FERMT2: variants seen among roughly 807,000 people sequenced by gnomAD.
FERMT2 encodes the protein fermitin family homolog 2.
In FERMT2, 15 loss-of-function variants were observed where a neutral mutation model predicts 82.7. The ratio of observed to expected loss-of-function variants is 0.18; its 90% CI spans 0.12 to 0.28. The LOEUF (loss-of-function observed/expected upper bound fraction) is 0.28, where lower values mean the gene tolerates loss of function less well. FERMT2 is among the 10% of genes least tolerant of loss of function. The pLI, the probability that FERMT2 is intolerant of heterozygous loss-of-function variation, is 1.00. For synonymous variants in FERMT2, 274 were observed against 271.5 expected (o/e 1.01, Z -0.09); for missense variants, 645 against 809.4 (o/e 0.80, Z 2.46).
chr14:52,941,020 C>T (rs947776281), intron 2 of FERMT2, among the ~76,000 whole-genome samples: 1 of 152,128 alleles, frequency 6.6e-6, no homozygotes, highest in South Asian at 2.1e-4. Context: ...TGCATTCACA[C>T]GGATGTTTAC....
intron 14 of FERMT2, chr14:52,859,045 C>T (rs139934662): frequency 7.6e-5 from 12 of 158,468 alleles, no homozygotes; most frequent in African/African-American, 1.7e-4. Context: ...AAATGATACT[C>T]GTATACTCCA....
chr14:52,889,875 T>A (rs984491787), intron 4 of FERMT2, among the ~76,000 whole-genome samples: 1 of 152,178 alleles, frequency 6.6e-6, no homozygotes, highest in African/African-American at 2.4e-5. Flanking sequence ...ATGCTTGTAA[T>A]CGCAACACTT....
At chr14:52,928,431 T>A (rs1889403339) in intron 2 of FERMT2, 1 of 153,500 alleles carries the variant, frequency 6.5e-6, no homozygotes, top group African/African-American at 2.4e-5. Flanking sequence ...AACACTACAA[T>A]CCCAGTGTTC....
At chr14:52,902,018 A>G (rs903688744) in intron 3 of FERMT2, among the ~76,000 whole-genome samples, 3 of 152,040 alleles carry the variant, frequency 2.0e-5, no homozygotes, top group Non-Finnish European at 4.4e-5. Context: ...TGCAGACTAC[A>G]GAGAACAAAA....
intron 2 of FERMT2, among the ~76,000 whole-genome samples, chr14:52,938,019 G>A (rs1030775235): frequency 6.6e-6 from 1 of 152,144 alleles, no homozygotes; most frequent in Non-Finnish European, 1.5e-5. Flanking sequence ...ACCCTAAGTG[G>A]TAAGATTACT....
intron 2 of FERMT2, among the ~76,000 whole-genome samples, chr14:52,938,514 T>C (rs1255389731): frequency 6.6e-6 from 1 of 152,210 alleles, no homozygotes; most frequent in Non-Finnish European, 1.5e-5. Flanking sequence ...CAAGGTCATA[T>C]GTAACCAATA....
chr14:52,864,896 A>C, intron 10 of FERMT2, 43 bp from the exon 11 acceptor site: 1 of 1,110,354 alleles, frequency 9.0e-7, no homozygotes, highest in Non-Finnish European at 1.4e-6. Context: ...ATTTACTTTT[A>C]AGAAATCTCA....
intron 8 of FERMT2, among the ~76,000 whole-genome samples, chr14:52,874,899 T>C (rs1411046688): frequency 6.6e-6 from 1 of 151,976 alleles, no homozygotes; most frequent in Non-Finnish European, 1.5e-5. Context: ...CTTAAAAAAA[T>C]AAAAAATTAG....
In FERMT2 at chr14:52,904,332, C is replaced by T. The variant is rs201882171; in HGVS notation, c.392-10905G>A. On this transcript the variant is annotated intron_variant, in intron 3 of 14. Transcript: ENST00000341590. ...AGGAGTTGGAGACCAGCCTGGCCAA[C>T]GTGGTGAAACCACGCCTCCACTAAA... Among the ~76,000 whole-genome samples the T allele has an allele frequency of 5.9e-5, 9 of 152,362 alleles. No homozygotes were observed. The East Asian group carries it at 7.7e-4, about 13-fold the overall frequency.
intron 3 of FERMT2, among the ~76,000 whole-genome samples, chr14:52,900,107 TG>T (rs1270338186): frequency 6.6e-6 from 1 of 152,040 alleles, no homozygotes; most frequent in African/African-American, 2.4e-5. Flanking sequence ...TGTTTTTTTT[TG>T]TTTGTTTGTT....
In FERMT2 at chr14:52,950,491, G is replaced by T; in HGVS notation, c.78C>A (p.Asp26Glu). 6.2e-7 allele frequency: 1 copy of T among 1,614,110 alleles called. No homozygotes were observed. Among genetic ancestry groups the T allele is most frequent in the South Asian group, 1.1e-5 (1 of 91,080 alleles). The change falls in exon 2 of 15, where the codon GAC becomes GAA. Residue 26 changes from aspartate (D) to glutamate (E), a missense_variant. Asp to Glu is a conservative substitution (Grantham distance 45, BLOSUM62 2). Transcript: ENST00000341590. Reference protein sequence around the residue: ...GTWELSVHVTDLNRDVTLRVT... With the variant: ...GTWELSVHVTELNRDVTLRVT... ...CTCTCAGGGTGACATCGCGGTTCAG[G>T]TCCGTCACATGGACACTCAGTTCCC...
Position 52,858,323 on chromosome 14 carries a change from T to C in FERMT2, c.*54A>G, listed in dbSNP as rs1884692404. ...TATTAAGCAGCATATAACAAACAGC[T>C]TTTAAAGTTAAATATTGTTATGGCC... On this transcript the variant is annotated 3_prime_UTR_variant, in exon 15 of 15. Transcript: ENST00000341590. 4 of 1,491,744 alleles carry C rather than the reference T, an allele frequency of 2.7e-6. No homozygotes were observed. The Admixed American group carries it at 5.2e-5, about 19-fold the overall frequency. The allele number at this position is 1,491,744 out of a possible 1,614,324, so 92.4% of individuals were successfully genotyped here.
chr14:52,862,391 AG>A (rs1884998986), intron 12 of FERMT2, among the ~76,000 whole-genome samples: 4 of 151,946 alleles, frequency 2.6e-5, no homozygotes, highest in Admixed American at 2.0e-4. Context: ...ATTCCAGCAG[AG>A]TGTGGTGGCT....
At chr14:52,882,822 A>T (rs1002962016) in intron 4 of FERMT2, among the ~76,000 whole-genome samples, 2 of 152,074 alleles carry the variant, frequency 1.3e-5, no homozygotes, top group Admixed American at 1.3e-4. Flanking sequence ...TTTACTGAAA[A>T]TATGTAATCT....
chr14:52,924,736 C>A (rs1382984753), intron 2 of FERMT2, among the ~76,000 whole-genome samples: 1 of 151,968 alleles, frequency 6.6e-6, no homozygotes, highest in African/African-American at 2.4e-5. Flanking sequence ...TAATAGCGAT[C>A]AATAGATAGA....
chr14:52,899,696 CA>C (rs1230714219), intron 3 of FERMT2, among the ~76,000 whole-genome samples: 1 of 152,172 alleles, frequency 6.6e-6, no homozygotes, highest in African/African-American at 2.4e-5. Flanking sequence ...CCATTGGCTG[CA>C]TATGAAGTGT....
intron 4 of FERMT2, among the ~76,000 whole-genome samples, chr14:52,886,472 A>G (rs1443918168): frequency 6.6e-6 from 1 of 152,152 alleles, no homozygotes; most frequent in Non-Finnish European, 1.5e-5. Context: ...CTAGGACTAC[A>G]GGTGTACACC....
At chr14:52,904,436 G>C (rs181991161) in intron 3 of FERMT2, among the ~76,000 whole-genome samples, 2 of 152,182 alleles carry the variant, frequency 1.3e-5, no homozygotes, top group African/African-American at 4.8e-5. Flanking sequence ...AGAATTGCTT[G>C]AACCTGGGAG....
chr14:52,950,574 C>T lies in FERMT2; in HGVS notation c.-6G>A. Reference sequence around the variant, plus strand: ...CTTATCCCGTCCAGAGCCATGGCTCCTTCCTGCGAGCGCGGAGGAAATGGC... The same window carrying T: ...CTTATCCCGTCCAGAGCCATGGCTCTTTCCTGCGAGCGCGGAGGAAATGGC... On this transcript the variant is annotated 5_prime_UTR_variant, in exon 2 of 15. Transcript: ENST00000341590. The T allele has an allele frequency of 6.2e-7, 1 of 1,611,516 alleles. No individual in the cohort carries two copies. Among genetic ancestry groups the T allele is most frequent in the East Asian group, 2.2e-5 (1 of 44,568 alleles).
Sources: gnomAD v4.1 joint callset for allele counts (sites outside exome capture counted in the v4.1 genomes callset) on GRCh38, gnomAD v4.1.1 for gene constraint, MANE v1.5 for transcripts, NCBI Gene and HGNC (gene_info 2026-07-23, HGNC 2026-07-21) for gene names.